ERICH2: variants seen among roughly 807,000 people sequenced by gnomAD.
ERICH2 encodes the protein glutamate rich 2, also known as glutamate-rich protein 2.
A neutral mutation model predicts 17.4 loss-of-function variants in ERICH2; 17 were observed. The observed-to-expected ratio is 0.98, with a 90% confidence interval of 0.67 to 1.47. The LOEUF (loss-of-function observed/expected upper bound fraction) is 1.47, where lower values mean the gene tolerates loss of function less well. ERICH2 is among the 40% of genes most tolerant of loss of function. The probability of loss-of-function intolerance (pLI) is 0.00; values close to 1 mark genes in which losing one functional copy is unlikely to be tolerated. For missense variants in ERICH2, 186 were observed against 183.2 expected, an observed-to-expected ratio of 1.01 and a Z score of -0.09; for synonymous variants, 51 against 61.1, an observed-to-expected ratio of 0.83 and a Z score of 0.77.
intron 1 of ERICH2, among the ~76,000 whole-genome samples, chr2:170,784,216 C>T (rs994198362): frequency 1.3e-5 from 2 of 152,162 alleles, no homozygotes; most frequent in African/African-American, 4.8e-5. Flanking sequence ...TTCCACAAAG[C>T]TGAAGGAGCC....
chr2:170,781,656 G>GT (rs1158997926), upstream of ERICH2, among the ~76,000 whole-genome samples: 4 of 106,310 alleles, frequency 3.8e-5, no homozygotes, highest in Non-Finnish European at 2.3e-5. Flanking sequence ...AAAGACCTGG[G>GT]TTTTTTTTCC....
intron 2 of ERICH2, among the ~76,000 whole-genome samples, chr2:170,790,530 G>A (rs1156323501): frequency 1.3e-5 from 2 of 152,236 alleles, no homozygotes; most frequent in Admixed American, 6.5e-5. Flanking sequence ...AGGAGGCTGA[G>A]GCAGGAGAAT....
At chr2:170,782,084 T>C (rs1701042588), upstream of ERICH2, among the ~76,000 whole-genome samples, 1 of 151,930 alleles carries the variant, frequency 6.6e-6, no homozygotes, top group African/African-American at 2.4e-5. Context: ...GTAAAATAAT[T>C]TGTAATGCTT....
upstream of ERICH2, among the ~76,000 whole-genome samples, chr2:170,779,068 C>A (rs1700970640): frequency 6.6e-6 from 1 of 152,192 alleles, no homozygotes; most frequent in African/African-American, 2.4e-5. Context: ...GATAGTGTAG[C>A]CAATAAGCTT....
chr2:170,780,590 G>T (rs1701003414), upstream of ERICH2, among the ~76,000 whole-genome samples: 1 of 152,062 alleles, frequency 6.6e-6, no homozygotes, highest in South Asian at 2.1e-4. Flanking sequence ...CTAAATTCCT[G>T]TTTTAAGGGA....
intron 2 of ERICH2, among the ~76,000 whole-genome samples, chr2:170,788,447 G>A (rs965727870): frequency 1.3e-5 from 2 of 150,956 alleles, no homozygotes; most frequent in Admixed American, 6.6e-5. Context: ...TTCACAATGC[G>A]TCCCTTTTTA....
intron 3 of ERICH2, among the ~76,000 whole-genome samples, chr2:170,796,892 G>C (rs769266370): frequency 8.5e-5 from 13 of 152,140 alleles, no homozygotes; most frequent in Non-Finnish European, 1.5e-4. Flanking sequence ...GAAGTAGAGA[G>C]AGATCTGTGG....
At chr2:170,770,719 C>CGCTCCTGAAGGTAACCGGT in the ERICH2 span, 1 of 155,198 alleles carries the variant, frequency 6.4e-6, no homozygotes, top group East Asian at 1.9e-4. Flanking sequence ...CCTTCTTCGG[C>CGCTCCTGAAGGTAACCGGT]GCTCCTGAAG....
chr2:170,779,308 A>G (rs1332012672), upstream of ERICH2, among the ~76,000 whole-genome samples: 2 of 152,172 alleles, frequency 1.3e-5, no homozygotes, highest in Non-Finnish European at 2.9e-5. Context: ...AGATTTGCCA[A>G]AAGATTTCAT....
chr2:170,790,068 A>G (rs1037605774), intron 2 of ERICH2, among the ~76,000 whole-genome samples: 3 of 152,258 alleles, frequency 2.0e-5, no homozygotes, highest in East Asian at 1.9e-4. Flanking sequence ...AAATAGCTGT[A>G]TATTTTACTG....
intron 2 of ERICH2, among the ~76,000 whole-genome samples, chr2:170,786,412 A>G (rs184737431): frequency 6.6e-6 from 1 of 152,004 alleles, no homozygotes; most frequent in African/African-American, 2.4e-5. Context: ...TCTGTATATA[A>G]TATGTCTTAT....
At chr2:170,792,985 A>C in intron 3 of ERICH2, 65 bp downstream of exon 8, 1 of 958,388 alleles carries the variant, frequency 1.0e-6, no homozygotes, top group East Asian at 2.7e-5. Flanking sequence ...ATTCCGTAAT[A>C]TATAAAATGG....
intron 3 of ERICH2, among the ~76,000 whole-genome samples, chr2:170,794,466 C>A (rs1701369807): frequency 6.6e-6 from 1 of 151,972 alleles, no homozygotes; most frequent in African/African-American, 2.4e-5. Flanking sequence ...TTTTTGGTTT[C>A]TTTATTCTAT....
At chr2:170,798,172 A>G (rs1376821860) in intron 4 of ERICH2, 60 bp downstream of exon 9, 1 of 1,123,198 alleles carries the variant, frequency 8.9e-7, no homozygotes, top group African/African-American at 1.6e-5. Flanking sequence ...CACTTTAAAA[A>G]CCCATTATCC....
At chr2:170,787,175 C>T (rs890739108) in intron 2 of ERICH2, among the ~76,000 whole-genome samples, 5 of 152,162 alleles carry the variant, frequency 3.3e-5, no homozygotes, top group Non-Finnish European at 5.9e-5. Flanking sequence ...CCTCAGCCTC[C>T]TGAATAGCTG....
chr2:170,796,453 T>TTTTTTTTTA (rs1701425559), intron 3 of ERICH2, among the ~76,000 whole-genome samples: 1 of 91,552 alleles, frequency 1.1e-5, no homozygotes, highest in Admixed American at 1.1e-4. Flanking sequence ...TTTTTTTTTT[T>TTTTTTTTTA]GAGACAGCGT....
intron 2 of ERICH2, among the ~76,000 whole-genome samples, chr2:170,788,834 G>A (rs1701215724): frequency 6.6e-6 from 1 of 152,008 alleles, no homozygotes; most frequent in Admixed American, 6.6e-5. Flanking sequence ...ATGAACACCT[G>A]AATACTCTTT....
upstream of ERICH2, among the ~76,000 whole-genome samples, chr2:170,779,254 C>T (rs1021513788): frequency 2.0e-5 from 3 of 152,092 alleles, no homozygotes; most frequent in African/African-American, 7.2e-5. Context: ...GCTTCCATTC[C>T]GCTCTCCACC....
the ERICH2 span, among the ~76,000 whole-genome samples, chr2:170,778,617 A>G: frequency 6.6e-6 from 1 of 152,154 alleles, no homozygotes; most frequent in Non-Finnish European, 1.5e-5. Flanking sequence ...ATTTTCATTT[A>G]AAGTTACAAT....
Sources: allele counts gnomAD v4.1 joint callset (sites outside exome capture counted in the v4.1 genomes callset), GRCh38; gene constraint gnomAD v4.1.1; transcripts MANE v1.5; gene names NCBI Gene and HGNC (gene_info 2026-07-23, HGNC 2026-07-21).